ZBBX: variants seen among roughly 807,000 people sequenced by gnomAD.
ZBBX encodes the protein zinc finger B-box domain containing, also known as zinc finger B-box domain-containing protein 1.
A neutral mutation model predicts 108.5 loss-of-function variants in ZBBX; 101 were observed. That is an observed-to-expected ratio of 0.93 (90% confidence interval 0.79 to 1.10). The LOEUF is 1.10. Ranked by LOEUF, ZBBX falls within the 50% of genes least tolerant of loss-of-function variation. The probability of loss-of-function intolerance (pLI) is 0.00; values close to 1 mark genes in which losing one functional copy is unlikely to be tolerated. For synonymous variants in ZBBX, 356 were observed against 323.4 expected (o/e 1.10, Z -1.08); for missense variants, 1,009 against 941.4 (o/e 1.07, Z -0.94).
chr3:167,213,406 G>C, the ZBBX span, among the ~76,000 whole-genome samples: 1 of 152,130 alleles, frequency 6.6e-6, no homozygotes, highest in African/African-American at 2.4e-5. Context: ...GCAATCACAA[G>C]TACTAACAGC....
chr3:167,216,848 G>A, the ZBBX span, among the ~76,000 whole-genome samples: 3 of 152,164 alleles, frequency 2.0e-5, no homozygotes, highest in Non-Finnish European at 4.4e-5. Context: ...CTTTGACAAA[G>A]CTAACAAAAA....
rs1426487078 is a variant in ZBBX, at chr3:167,278,665, A to G, written c.2254+3573T>C. ...GATGGATTCACAGCCGAATTCTACCAGAGGTACAAGGAGGAACTGGTACCA... is the reference window on the plus strand; with the variant it reads ...GATGGATTCACAGCCGAATTCTACCGGAGGTACAAGGAGGAACTGGTACCA... On this transcript the variant is annotated intron_variant, in intron 20 of 21. Transcript: ENST00000675490. Among the ~76,000 whole-genome samples the G allele has an allele frequency of 2.0e-4, 31 of 151,838 alleles. No individual in the cohort carries two copies. The South Asian group carries it at 6.3e-3, about 31-fold the overall frequency.
chr3:167,342,917 G>A (rs1740798140), intron 9 of ZBBX, among the ~76,000 whole-genome samples: 1 of 151,502 alleles, frequency 6.6e-6, no homozygotes, highest in African/African-American at 2.4e-5. Flanking sequence ...ATCAAATTGT[G>A]TACATTAAAG....
intron 5 of ZBBX, 110 bp from the exon 6 acceptor site, chr3:167,366,086 T>A (rs1031977684): frequency 1.5e-6 from 1 of 672,180 alleles, no homozygotes; most frequent in East Asian, 2.9e-5. Flanking sequence ...GTTGTTAACA[T>A]GCAGTAAACA....
chr3:167,300,090 T>C (rs1732373866), intron 17 of ZBBX, among the ~76,000 whole-genome samples: 1 of 152,210 alleles, frequency 6.6e-6, no homozygotes, highest in South Asian at 2.1e-4. Flanking sequence ...TTACCAGTGG[T>C]GGAAAATTTC....
intron 2 of ZBBX, among the ~76,000 whole-genome samples, chr3:167,374,373 A>T (rs1017175502): frequency 6.6e-6 from 1 of 152,192 alleles, no homozygotes; most frequent in African/African-American, 2.4e-5. Context: ...AAGTATCCCA[A>T]TTATTCATGG....
chr3:167,316,295 A>G (rs1237260229), intron 14 of ZBBX, among the ~76,000 whole-genome samples: 3 of 152,164 alleles, frequency 2.0e-5, no homozygotes, highest in Non-Finnish European at 2.9e-5. Context: ...GAAGCTTTCA[A>G]CCTAAAGAAG....
At chr3:167,305,539 T>C (rs1936957606) in intron 17 of ZBBX, 104 bp downstream of exon 17, 1 of 924,454 alleles carries the variant, frequency 1.1e-6, no homozygotes, top group Non-Finnish European at 1.5e-6. Flanking sequence ...GCAGCACATT[T>C]TAACTTTAAT....
At chr3:167,186,065 AT>A in the ZBBX span, among the ~76,000 whole-genome samples, 1 of 151,862 alleles carries the variant, frequency 6.6e-6, no homozygotes, top group Non-Finnish European at 1.5e-5. Flanking sequence ...TTCCAGAAAG[AT>A]TTTTGCTTAT....
At chr3:167,355,386 T>C (rs942461004) in intron 8 of ZBBX, among the ~76,000 whole-genome samples, 1 of 151,850 alleles carries the variant, frequency 6.6e-6, no homozygotes, top group Non-Finnish European at 1.5e-5. Context: ...ATTTCACAAA[T>C]GAGGAAACAG....
Position 167,387,415 on chromosome 3 carries a change from G to A in ZBBX, c.-445-7010C>T, listed in dbSNP as rs570639037. ...AAGACTTCTTAGCATAATCTATAAT[G>A]ATGTTCAATGTAGCATAATGATTTT... On this transcript the variant is annotated intron_variant, in intron 1 of 21. Coordinates refer to the ZBBX transcript ENST00000455345. 2.2e-4 allele frequency among the ~76,000 whole-genome samples: 33 copies of A among 152,158 alleles called. 1 individual carries two copies. The South Asian group carries it at 6.8e-3, about 32-fold the overall frequency.
intron 9 of ZBBX, among the ~76,000 whole-genome samples, chr3:167,348,308 AAGAAAG>A (rs1319455987): frequency 2.4e-5 from 3 of 125,528 alleles, no homozygotes; most frequent in Non-Finnish European, 4.9e-5. Flanking sequence ...GAAAGAGAGA[AAGAAAG>A]AGAAAGAAAG....
At chr3:167,381,688 C>T (rs73879690), upstream of ZBBX, among the ~76,000 whole-genome samples, 875 of 152,304 alleles carry the variant, frequency 5.7e-3, 11 homozygotes, top group African/African-American at 0.02. Context: ...CGTCCATTTA[C>T]TGATCTATTC....
the ZBBX span, among the ~76,000 whole-genome samples, chr3:167,201,628 G>A: frequency 4.4e-4 from 67 of 152,100 alleles, 1 homozygote; most frequent in Middle Eastern, 0.01. Context: ...AATAGAACTG[G>A]CTAACTTTTC....
At chr3:167,263,803 A>C (rs1420821247) in intron 20 of ZBBX, among the ~76,000 whole-genome samples, 4 of 152,362 alleles carry the variant, frequency 2.6e-5, no homozygotes, top group South Asian at 2.1e-4. Flanking sequence ...TGCCCAATGC[A>C]GAAAGTGGAG....
At chr3:167,380,866 GCACACACACACACA>G (rs59349359), upstream of ZBBX, among the ~76,000 whole-genome samples, 7 of 141,340 alleles carry the variant, frequency 5.0e-5, no homozygotes, top group African/African-American at 1.3e-4. Flanking sequence ...GCAAATATAT[GCACACACACACACA>G]CACACACACA....
At chr3:167,207,266 T>TA in the ZBBX span, among the ~76,000 whole-genome samples, 2 of 152,326 alleles carry the variant, frequency 1.3e-5, no homozygotes, top group Non-Finnish European at 1.5e-5. Flanking sequence ...CACAGCTCAA[T>TA]AGCAAAGAAA....
At chr3:167,211,834 C>T in the ZBBX span, among the ~76,000 whole-genome samples, 3 of 152,208 alleles carry the variant, frequency 2.0e-5, no homozygotes, top group Middle Eastern at 3.4e-3. Flanking sequence ...TGAACTGCCC[C>T]TGGGATGGCT....
At chr3:167,407,780 G>A (rs542684280) in exon 1 of ZBBX, among the ~76,000 whole-genome samples, 32 of 152,108 alleles carry the variant, frequency 2.1e-4, no homozygotes, top group African/African-American at 7.7e-4. Flanking sequence ...GCTGATTCAG[G>A]GGTGGCAGAG....
Sources: allele counts gnomAD v4.1 joint callset (sites outside exome capture counted in the v4.1 genomes callset), GRCh38; gene constraint gnomAD v4.1.1; transcripts MANE v1.5; gene names NCBI Gene and HGNC (gene_info 2026-07-23, HGNC 2026-07-21).